The following ZFAT variants were observed in gnomAD, a reference collection of about 807,000 sequenced individuals.
The protein encoded by ZFAT is zinc finger protein ZFAT.
ZFAT carries 64 observed loss-of-function variants against 117.7 expected under a neutral mutation model. The ratio of observed to expected loss-of-function variants is 0.54; its 90% CI spans 0.44 to 0.67. The LOEUF (loss-of-function observed/expected upper bound fraction) is 0.67. Ranked by LOEUF, ZFAT falls within the 30% of genes least tolerant of loss-of-function variation. The probability of loss-of-function intolerance (pLI) is 0.00; values close to 1 mark genes in which losing one functional copy is unlikely to be tolerated. For missense variants in ZFAT, 1,433 were observed against 1,584.5 expected (o/e 0.90, Z 1.62); for synonymous variants, 679 against 615.0 (o/e 1.10, Z -1.54).
the ZFAT span, among the ~76,000 whole-genome samples, chr8:134,790,813 G>A: frequency 1.3e-5 from 2 of 151,972 alleles, no homozygotes; most frequent in East Asian, 1.9e-4. Context: ...CCAGGAGTTC[G>A]AGACCAGCTC....
At chr8:134,620,545 T>C (rs1321651964) in intron 3 of ZFAT, among the ~76,000 whole-genome samples, 3 of 152,204 alleles carry the variant, frequency 2.0e-5, no homozygotes, top group Non-Finnish European at 4.4e-5. Flanking sequence ...GAGGCAATTC[T>C]TGGGGATTGA....
intron 1 of ZFAT, among the ~76,000 whole-genome samples, chr8:134,683,204 C>G (rs1046834861): frequency 3.3e-5 from 5 of 152,326 alleles, no homozygotes; most frequent in Admixed American, 6.5e-5. Flanking sequence ...GAAGTGGCTC[C>G]TTTGTGCAGT....
rs1051332407 is a variant in ZFAT, at chr8:134,710,860, C to T, written c.19+1985G>A. Among the ~76,000 whole-genome samples, 5 of 152,218 alleles carry T rather than the reference C, an allele frequency of 3.3e-5. No individual in the cohort carries two copies. In the East Asian group the frequency reaches 9.6e-4, roughly 29 times the overall value. ...TGTCTGGCATCGCCATCATTCCCGA[C>T]TCTGAATTTCTATGCTACCAATAAG... On this transcript the variant is annotated intron_variant, in intron 1 of 15. Coordinates refer to ENST00000377838, the MANE Select transcript of ZFAT (RefSeq NM_020863.4).
At position 134,602,206 on chromosome 8, in the gene ZFAT, C is replaced by T; in HGVS notation, c.1513G>A (p.Gly505Arg). The T allele has an allele frequency of 1.2e-6, 2 of 1,613,550 alleles. No homozygotes were observed. Among genetic ancestry groups the T allele is most frequent in the South Asian group, 1.1e-5 (1 of 91,080 alleles). ...NQSFCLLEPG[G>R]DIQQEALGDQ... ...CCCAGAGCTTCTTGCTGGATGTCCC[C>T]ACCAGGTTCCAGGAGGCAGAAGCTC... is the stretch of plus-strand genomic sequence containing the variant. Residue 505 changes from glycine (G) to arginine (R), a missense_variant, in exon 6 of 16, where the codon GGG becomes AGG. Around this residue, in one of 5 missense-constraint regions of ZFAT, gnomAD observed 372 missense variants for 355.6 expected, o/e 1.05. Coordinates refer to ENST00000377838, the MANE Select transcript of ZFAT (RefSeq NM_020863.4).
At chr8:134,712,815 C>CGGG in intron 1 of ZFAT, 30 bp downstream of exon 1, 57 of 1,127,886 alleles carry the variant, frequency 5.1e-5, no homozygotes, top group South Asian at 6.1e-5. Context: ...ACCCCCACCC[C>CGGG]GTCTCACCCC....
At chr8:134,504,379 C>T (rs1361445678) in intron 15 of ZFAT, among the ~76,000 whole-genome samples, 1 of 152,126 alleles carries the variant, frequency 6.6e-6, no homozygotes, top group Non-Finnish European at 1.5e-5. Context: ...ATCATCCTGA[C>T]CTTCTTAAAA....
the ZFAT span, among the ~76,000 whole-genome samples, chr8:134,773,518 T>A: frequency 6.6e-6 from 1 of 152,220 alleles, no homozygotes. Context: ...ATTTAGGAAA[T>A]ATATTTTGTA....
chr8:134,712,836 C>T lies in ZFAT; in HGVS notation c.19+9G>A. 6.7e-7 allele frequency: 1 copy of T among 1,503,590 alleles called. No homozygotes were observed. Among genetic ancestry groups the T allele is most frequent in the Non-Finnish European group, 8.9e-7 (1 of 1,128,884 alleles). 93.1% of individuals were successfully genotyped at this position (1,503,590 alleles called of 1,614,324 possible). ...ACCCCGTCTCACCCCAACCCCCAGC[C>T]CGGCTCACCTGCCGCCCGCGTCTCC... On this transcript the variant is annotated intron_variant, in intron 1 of 15. Coordinates refer to ENST00000377838, the MANE Select transcript of ZFAT (RefSeq NM_020863.4).
chr8:134,808,567 C>G, the ZFAT span, among the ~76,000 whole-genome samples: 1 of 152,176 alleles, frequency 6.6e-6, no homozygotes, highest in African/African-American at 2.4e-5. Context: ...GCAAGAGTCA[C>G]AGGGAATGGT....
At position 134,649,834 on chromosome 8, in the gene ZFAT, T is replaced by G. The variant is rs533468458; in HGVS notation, c.196+7727A>C. Among the ~76,000 whole-genome samples, 354 of 152,202 alleles carry G rather than the reference T, an allele frequency of 2.3e-3. 1 individual carries two copies. The highest frequency in any genetic ancestry group is 8.2e-3 in the African/African-American group (342 of 41,530). On this transcript the variant is annotated intron_variant, in intron 2 of 15. Transcript: ENST00000377838. Reference sequence around the variant, plus strand: ...TCTGTGTCCCCACCCAAATCTCACCTCGAATTATAACCCCCATAATCTCAA... The same window carrying G: ...TCTGTGTCCCCACCCAAATCTCACCGCGAATTATAACCCCCATAATCTCAA...
chr8:134,543,251 C>T (rs895259275), intron 11 of ZFAT, among the ~76,000 whole-genome samples: 14 of 151,310 alleles, frequency 9.3e-5, no homozygotes, highest in South Asian at 2.1e-4. Flanking sequence ...AGATGACCTG[C>T]CCACACCTCT....
intron 2 of ZFAT, among the ~76,000 whole-genome samples, chr8:134,656,161 A>G (rs1586902119): frequency 1.3e-5 from 2 of 152,284 alleles, no homozygotes; most frequent in Middle Eastern, 6.8e-3. Context: ...AGGGCGCTGA[A>G]CTGCAAGGCC....
chr8:134,764,629 A>C, the ZFAT span, among the ~76,000 whole-genome samples: 2 of 152,246 alleles, frequency 1.3e-5, no homozygotes, highest in Non-Finnish European at 2.9e-5. Context: ...ACTTCCCTCC[A>C]TGAGCCACCA....
Position 134,538,312 on chromosome 8 carries a change from A to G in ZFAT, c.2977-5340T>C, listed in dbSNP as rs1445323618. On this transcript the variant is annotated intron_variant, in intron 11 of 15. Transcript: ENST00000377838. The stretch of plus-strand genomic sequence containing the variant: ...GCTGAGCGCTCTAAATCCAACAGGA[A>G]GGGGCCTCCCCAGTGTCCACTGGAC... 2.0e-5 allele frequency among the ~76,000 whole-genome samples: 3 copies of G among 152,144 alleles called. No homozygotes were observed. The East Asian group carries it at 5.8e-4, about 29-fold the overall frequency.
chr8:134,501,053 G>C (rs1167203115), intron 15 of ZFAT, among the ~76,000 whole-genome samples: 1 of 152,162 alleles, frequency 6.6e-6, no homozygotes, highest in Non-Finnish European at 1.5e-5. Flanking sequence ...ATTACAGTAA[G>C]GGCTAGGATA....
intron 1 of ZFAT, among the ~76,000 whole-genome samples, chr8:134,697,021 G>C (rs962608161): frequency 1.0e-4 from 15 of 147,944 alleles, no homozygotes; most frequent in Non-Finnish European, 1.6e-4. Context: ...AGGTTCAAGC[G>C]ATCCTCCCAC....
the ZFAT span, among the ~76,000 whole-genome samples, chr8:134,817,358 A>G: frequency 6.7e-6 from 1 of 150,016 alleles, no homozygotes; most frequent in African/African-American, 2.4e-5. Flanking sequence ...ATCACGAGCC[A>G]ATTTCTTAAA....
intron 9 of ZFAT, among the ~76,000 whole-genome samples, chr8:134,586,529 C>T (rs1826081470): frequency 2.0e-5 from 3 of 152,232 alleles, no homozygotes; most frequent in Non-Finnish European, 2.9e-5. Context: ...AGTTTGATGC[C>T]TTTATAAGCC....
rs114014614 is a variant in ZFAT, at chr8:134,636,820, C to T, written c.448+641G>A. 6.1e-3 allele frequency among the ~76,000 whole-genome samples: 928 copies of T among 152,326 alleles called. 5 individuals are homozygous for T. The highest frequency in any genetic ancestry group is 0.019 in the African/African-American group (770 of 41,570). On this transcript the variant is annotated intron_variant, in intron 3 of 15. Coordinates refer to ENST00000377838, the MANE Select transcript of ZFAT (RefSeq NM_020863.4). The stretch of plus-strand genomic sequence containing the variant: ...ACTTCATTCCCTGACCACATCTATC[C>T]GCCTTTCAGCCTCTTTTAGAAGCTG...
Sources: allele counts gnomAD v4.1 joint callset (sites outside exome capture counted in the v4.1 genomes callset), GRCh38; gene constraint gnomAD v4.1.1; regional missense constraint gnomAD v4.1.1; transcripts MANE v1.5; gene names NCBI Gene and HGNC (gene_info 2026-07-23, HGNC 2026-07-21).